The following SEMA6A variants were observed in gnomAD, a reference collection of about 807,000 sequenced individuals.
The protein encoded by SEMA6A is semaphorin-6A.
In SEMA6A, 25 loss-of-function variants were observed where a neutral mutation model predicts 96.8. The ratio of observed to expected loss-of-function variants is 0.26; its 90% CI spans 0.19 to 0.36. The LOEUF is 0.36. Among genes scored for constraint, SEMA6A ranks in the 10% least tolerant of loss-of-function variants. SEMA6A has a pLI of 1.00. For missense variants in SEMA6A, 1,363 were observed against 1,323.1 expected (o/e 1.03, Z -0.47); for synonymous variants, 612 against 518.0 (o/e 1.18, Z -2.46).
intron 18 of SEMA6A, among the ~76,000 whole-genome samples, chr5:116,462,412 G>C (rs760949583): frequency 2.2e-4 from 34 of 152,112 alleles, no homozygotes; most frequent in African/African-American, 8.2e-4. Context: ...AAGTGGAAAG[G>C]CTTTTCATCA....
rs770973816 is a variant in SEMA6A, at chr5:116,447,634, A to T, written c.2072T>A (p.Leu691His). Residue 691 changes from leucine (L) to histidine (H), a missense_variant, in exon 19 of 19, where the codon CTC (leucine) becomes CAC (histidine). This residue lies in a region of SEMA6A where 883 missense variants were observed against 763.6 expected (regional missense o/e 1.16). Transcript: ENST00000343348. ...CATGGAGCCCCGGCGCGAGTGGGTG[A>T]GCTCCTTCTCCTTGCGCTGCACCAC... ...VAVVQRKEKE[L>H]THSRRGSMSS... 6.2e-7 allele frequency: 1 copy of T among 1,613,908 alleles called. No individual in the cohort carries two copies.
intron 1 of SEMA6A, among the ~76,000 whole-genome samples, chr5:116,519,265 G>T (rs1299647495): frequency 6.6e-6 from 1 of 152,152 alleles, no homozygotes. Context: ...CATTTGAGGA[G>T]TCATTATCAA....
At chr5:116,499,187 T>C (rs1757754920) in intron 3 of SEMA6A, 1 of 152,136 alleles carries the variant, frequency 6.6e-6, no homozygotes, top group Non-Finnish European at 1.5e-5. Flanking sequence ...TTTTTCAATA[T>C]CCAAAAGCTC....
chr5:116,455,339 A>AACTGTT (rs1200284646), intron 18 of SEMA6A, among the ~76,000 whole-genome samples: 2 of 152,218 alleles, frequency 1.3e-5, no homozygotes, highest in Non-Finnish European at 2.9e-5. Flanking sequence ...CATGTGTTAG[A>AACTGTT]ACTGTTACTG....
intron 18 of SEMA6A, among the ~76,000 whole-genome samples, chr5:116,451,633 A>G (rs1754640480): frequency 6.6e-6 from 1 of 152,312 alleles, no homozygotes; most frequent in South Asian, 2.1e-4. Context: ...GGGTAACTCA[A>G]CAAATGATGG....
intron 1 of SEMA6A, among the ~76,000 whole-genome samples, chr5:116,542,035 C>G (rs1759992936): frequency 6.6e-6 from 1 of 152,212 alleles, no homozygotes; most frequent in African/African-American, 2.4e-5. Flanking sequence ...TCCATGTTAT[C>G]TAAGGACTCT....
At chr5:116,547,145 C>A (rs1304709711) in intron 1 of SEMA6A, among the ~76,000 whole-genome samples, 1 of 152,224 alleles carries the variant, frequency 6.6e-6, no homozygotes, top group African/African-American at 2.4e-5. Context: ...TTTTAAAAAT[C>A]TATTAGCCTC....
intron 15 of SEMA6A, 88 bp downstream of exon 15, chr5:116,477,758 T>C: frequency 1.6e-6 from 2 of 1,277,880 alleles, no homozygotes; most frequent in Middle Eastern, 2.6e-4. Context: ...AGCTGTGTGG[T>C]GGTGTGTGTG....
At position 116,447,069 on chromosome 5, in the gene SEMA6A, G is replaced by T. The variant is rs569568718; in HGVS notation, c.2637C>A (p.Pro879=). 4.2e-5 allele frequency: 67 copies of T among 1,613,800 alleles called. No individual in the cohort carries two copies. The highest frequency in any genetic ancestry group is 6.7e-5 in the East Asian group (3 of 44,834). Residue 879 remains proline, a synonymous_variant, in exon 19 of 19, where the codon CCC becomes CCA. Coordinates refer to ENST00000343348, the MANE Select transcript of SEMA6A (RefSeq NM_020796.5). ...GGGAGGCCTCCCGCTGTGGAACTTT[G>T]GGGGGCAGGCTGTCCAGGTTCTCCA... ...NLVENLDSLP[P]KVPQREASLG...
chr5:116,506,183 C>T (rs1449032556), intron 1 of SEMA6A, among the ~76,000 whole-genome samples: 4 of 152,154 alleles, frequency 2.6e-5, no homozygotes, highest in Non-Finnish European at 4.4e-5. Context: ...GATTATATAC[C>T]TATGTCTCTT....
At chr5:116,448,306 C>G (rs1226216479) in intron 18 of SEMA6A, among the ~76,000 whole-genome samples, 1 of 151,968 alleles carries the variant, frequency 6.6e-6, no homozygotes, top group Non-Finnish European at 1.5e-5. Context: ...GATCAGGCCA[C>G]TGTACTCCAG....
intron 12 of SEMA6A, 91 bp from the exon 13 acceptor site, chr5:116,478,809 C>T: frequency 8.0e-7 from 1 of 1,247,664 alleles, no homozygotes; most frequent in Non-Finnish European, 1.1e-6. Context: ...ACATAGCCTT[C>T]TAGTAATAAC....
At chr5:116,493,817 A>C (rs563208493) in intron 6 of SEMA6A, among the ~76,000 whole-genome samples, 1 of 152,194 alleles carries the variant, frequency 6.6e-6, no homozygotes, top group East Asian at 1.9e-4. Flanking sequence ...ATTTCTCTCC[A>C]CATCTGTCTC....
chr5:116,478,723 A>G lies in SEMA6A; in HGVS notation c.1251-5T>C. 1 of 1,611,390 alleles carries G rather than the reference A, an allele frequency of 6.2e-7. No individual in the cohort carries two copies. Among genetic ancestry groups the G allele is most frequent in the Non-Finnish European group, 8.5e-7 (1 of 1,178,930 alleles). ...GCAATTTTGGTAAGGCGGTATCTAA[A>G]ATGACAGGACCACATTTCTTATCTC... is the stretch of plus-strand genomic sequence containing the variant. On this transcript the variant is annotated splice_region_variant and splice_polypyrimidine_tract_variant and intron_variant, in intron 12 of 18. Coordinates refer to ENST00000343348, the MANE Select transcript of SEMA6A (RefSeq NM_020796.5).
intron 1 of SEMA6A, among the ~76,000 whole-genome samples, chr5:116,550,913 A>G (rs1760376567): frequency 6.6e-6 from 1 of 152,160 alleles, no homozygotes; most frequent in Admixed American, 6.5e-5. Flanking sequence ...GCAACCCAGT[A>G]CCTCAAGCAG....
intron 4 of SEMA6A, 130 bp from the exon 5 acceptor site, chr5:116,496,443 A>T: frequency 1.5e-6 from 1 of 649,518 alleles, no homozygotes; most frequent in Non-Finnish European, 2.6e-6. Context: ...CCCTTTCTCC[A>T]TGATTAATTC....
chr5:116,504,742 A>C (rs890345461), intron 2 of SEMA6A, 103 bp downstream of exon 2: 3 of 872,268 alleles, frequency 3.4e-6, no homozygotes, highest in Non-Finnish European at 3.7e-6. Context: ...GAGGACTAAT[A>C]AGTCACCTAT....
intron 18 of SEMA6A, among the ~76,000 whole-genome samples, chr5:116,467,139 C>A (rs1411922302): frequency 6.6e-6 from 1 of 152,120 alleles, no homozygotes; most frequent in Non-Finnish European, 1.5e-5. Flanking sequence ...ATGCTACCAG[C>A]CAGAAAAGAC....
At chr5:116,455,035 C>A (rs79655185) in intron 18 of SEMA6A, among the ~76,000 whole-genome samples, 5,303 of 152,322 alleles carry the variant, frequency 0.035, 125 homozygotes, top group South Asian at 0.069. Context: ...GATGAACCCA[C>A]TTCCACTTCG....
Sources: gnomAD v4.1 joint callset for allele counts (sites outside exome capture counted in the v4.1 genomes callset) on GRCh38, gnomAD v4.1.1 for gene constraint, gnomAD v4.1.1 regional missense constraint, MANE v1.5 for transcripts, NCBI Gene and HGNC (gene_info 2026-07-23, HGNC 2026-07-21) for gene names.